TTC27: variants seen among roughly 807,000 people sequenced by gnomAD.
TTC27 encodes tetratricopeptide repeat protein 27.
In TTC27, 79 loss-of-function variants were observed where a neutral mutation model predicts 115.9. The ratio of observed to expected loss-of-function variants is 0.68; its 90% CI spans 0.57 to 0.82. The LOEUF (loss-of-function observed/expected upper bound fraction) is 0.82. Ranked by LOEUF, TTC27 falls within the 40% of genes least tolerant of loss-of-function variation. The pLI, the probability that TTC27 is intolerant of heterozygous loss-of-function variation, is 0.00. For synonymous variants in TTC27, 401 were observed against 356.0 expected, an observed-to-expected ratio of 1.13 and a Z score of -1.42; for missense variants, 1,054 against 993.1, an observed-to-expected ratio of 1.06 and a Z score of -0.82.
intron 13 of TTC27, among the ~76,000 whole-genome samples, chr2:32,760,687 A>G (rs1669405529): frequency 6.6e-6 from 1 of 152,118 alleles, no homozygotes; most frequent in South Asian, 2.1e-4. Context: ...ATCCTTGCAT[A>G]TCTTGGAAGC....
At chr2:32,805,083 G>A (rs542662287) in intron 16 of TTC27, among the ~76,000 whole-genome samples, 2 of 152,296 alleles carry the variant, frequency 1.3e-5, no homozygotes, top group South Asian at 4.1e-4. Flanking sequence ...AATTGATGTA[G>A]CAAATGCTTG....
chr2:32,808,011 G>GT (rs1671192454), intron 16 of TTC27, among the ~76,000 whole-genome samples: 2 of 106,474 alleles, frequency 1.9e-5, no homozygotes, highest in African/African-American at 8.3e-5. Flanking sequence ...TCAGCTCACT[G>GT]CAACCTCCCC....
chr2:32,769,586 G>C (rs1401491301), intron 13 of TTC27, among the ~76,000 whole-genome samples: 1 of 152,106 alleles, frequency 6.6e-6, no homozygotes, highest in Non-Finnish European at 1.5e-5. Context: ...AGGAGAGATT[G>C]AATATTGTAA....
chr2:32,725,210 A>G (rs1668067896), intron 10 of TTC27, among the ~76,000 whole-genome samples: 1 of 152,102 alleles, frequency 6.6e-6, no homozygotes, highest in South Asian at 2.1e-4. Flanking sequence ...ACATTTCAAA[A>G]TCAATCATGC....
chr2:32,755,681 A>G (rs1215622098), intron 12 of TTC27, among the ~76,000 whole-genome samples: 1 of 152,094 alleles, frequency 6.6e-6, no homozygotes. Context: ...TAATTCAGCT[A>G]TCCTATAGGA....
At chr2:32,773,539 G>A (rs2116585) in intron 13 of TTC27, among the ~76,000 whole-genome samples, 67,972 of 152,078 alleles carry the variant, frequency 0.45, 15,640 homozygotes, top group Middle Eastern at 0.59. Flanking sequence ...TGGTGTTGTC[G>A]GAGGCAGAGA....
chr2:32,653,794 T>C (rs1665221538), intron 5 of TTC27, among the ~76,000 whole-genome samples: 2 of 152,216 alleles, frequency 1.3e-5, no homozygotes, highest in South Asian at 4.1e-4. Context: ...ATTTTGGTTT[T>C]AGCATACATT....
intron 12 of TTC27, among the ~76,000 whole-genome samples, chr2:32,741,276 C>G (rs1668626085): frequency 6.6e-6 from 1 of 152,148 alleles, no homozygotes; most frequent in Admixed American, 6.5e-5. Flanking sequence ...CTATGGCACC[C>G]AAACTACTCT....
At chr2:32,813,172 G>A (rs556267569) in intron 18 of TTC27, among the ~76,000 whole-genome samples, 10 of 152,206 alleles carry the variant, frequency 6.6e-5, no homozygotes, top group African/African-American at 2.4e-4. Flanking sequence ...TTTTAAAAAT[G>A]CCAGTTAAAT....
chr2:32,763,851 G>A (rs1424447855), intron 13 of TTC27, among the ~76,000 whole-genome samples: 2 of 152,156 alleles, frequency 1.3e-5, no homozygotes, highest in East Asian at 1.9e-4. Context: ...AGATTTCTGA[G>A]GTTTGCGGGA....
chr2:32,665,423 A>G (rs1239611377), intron 6 of TTC27, among the ~76,000 whole-genome samples: 1 of 152,186 alleles, frequency 6.6e-6, no homozygotes, highest in African/African-American at 2.4e-5. Flanking sequence ...TTTTGATTCT[A>G]GGAGGCTTTT....
At chr2:32,660,338 C>A (rs1054993870) in intron 5 of TTC27, among the ~76,000 whole-genome samples, 1 of 151,896 alleles carries the variant, frequency 6.6e-6, no homozygotes, top group Non-Finnish European at 1.5e-5. Context: ...CTGCTCATAT[C>A]TTTCAACCCA....
At chr2:32,754,551 C>T (rs1483068825) in intron 12 of TTC27, among the ~76,000 whole-genome samples, 1 of 149,216 alleles carries the variant, frequency 6.7e-6, no homozygotes, top group African/African-American at 2.5e-5. Flanking sequence ...CTTCTTTCCA[C>T]ACAGACACAG....
chr2:32,640,913 T>A (rs1440882667), intron 4 of TTC27, among the ~76,000 whole-genome samples: 1 of 151,690 alleles, frequency 6.6e-6, no homozygotes, highest in Non-Finnish European at 1.5e-5. Flanking sequence ...ACCTGGGAGG[T>A]GGAGGTTGCA....
chr2:32,782,445 T>C (rs1013559011), intron 14 of TTC27, among the ~76,000 whole-genome samples, 181 bp from the exon 15 acceptor site: 2 of 152,238 alleles, frequency 1.3e-5, no homozygotes, highest in Admixed American at 6.5e-5. Context: ...TTTAACCTTT[T>C]TCTAAATTAT....
intron 3 of TTC27, among the ~76,000 whole-genome samples, chr2:32,637,584 G>C (rs889635735): frequency 6.6e-6 from 1 of 152,130 alleles, no homozygotes; most frequent in African/African-American, 2.4e-5. Context: ...GCCTGCCTCA[G>C]CCTCCCAAAG....
intron 10 of TTC27, among the ~76,000 whole-genome samples, chr2:32,718,392 T>G (rs939715441): frequency 6.6e-6 from 1 of 152,206 alleles, no homozygotes; most frequent in African/African-American, 2.4e-5. Context: ...TCATAAAATT[T>G]TTTATTTTGA....
intron 9 of TTC27, among the ~76,000 whole-genome samples, chr2:32,697,126 G>C (rs1667013905): frequency 6.6e-6 from 1 of 151,880 alleles, no homozygotes. Flanking sequence ...TGGGAGGTGA[G>C]GGTTGCAGTA....
At chr2:32,673,334 C>T (rs1666081410) in intron 8 of TTC27, among the ~76,000 whole-genome samples, 1 of 151,712 alleles carries the variant, frequency 6.6e-6, no homozygotes, top group South Asian at 2.1e-4. Context: ...AAGCGATTCT[C>T]TTGCCTCAGC....
Sources: allele counts gnomAD v4.1 joint callset (sites outside exome capture counted in the v4.1 genomes callset), GRCh38; gene constraint gnomAD v4.1.1; transcripts MANE v1.5; gene names NCBI Gene and HGNC (gene_info 2026-07-23, HGNC 2026-07-21).